Variants in ENPP4 observed in about 807,000 individuals in gnomAD.
ENPP4 encodes the protein bis(5'-adenosyl)-triphosphatase ENPP4.
A neutral mutation model predicts 33.4 loss-of-function variants in ENPP4; 18 were observed. The ratio of observed to expected loss-of-function variants is 0.54; its 90% CI spans 0.37 to 0.80. The LOEUF is 0.80. Among genes scored for constraint, ENPP4 ranks in the 30% least tolerant of loss-of-function variants. The pLI is 0.00. For synonymous variants in ENPP4, 172 were observed against 189.9 expected, an observed-to-expected ratio of 0.91 and a Z score of 0.78; for missense variants, 480 against 541.7, an observed-to-expected ratio of 0.89 and a Z score of 1.13.
chr6:46,145,063 C>T lies in ENPP4; in HGVS notation c.*1423C>T, dbSNP rs899366376. The stretch of plus-strand genomic sequence containing the variant: ...TGGGCTCAAGAACCATTCATCAGTA[C>T]GTGAGACAAGCAGTTAATAGTATGA... On this transcript the variant is annotated 3_prime_UTR_variant, in exon 4 of 4. Transcript: ENST00000321037. The T allele has an allele frequency of 2.3e-5, 9 of 393,934 alleles. No homozygotes were observed. Among genetic ancestry groups the T allele is most frequent in the Admixed American group, 8.9e-5 (2 of 22,546 alleles). The allele number at this position is 393,934 out of a possible 1,614,324, so 24.4% of individuals were successfully genotyped here. A position where few individuals can be genotyped will look rare whatever the true frequency, so the allele number is the denominator to read the frequency against.
At chr6:46,140,927 G>GT (rs1392163489) in intron 2 of ENPP4, 125 bp from the exon 3 acceptor site, 3 of 618,594 alleles carry the variant, frequency 4.8e-6, no homozygotes, top group Non-Finnish European at 8.2e-6. Flanking sequence ...TTATTGCTCT[G>GT]TTTTTTTAAG....
chr6:46,131,689 G>A (rs1376081297), intron 1 of ENPP4, among the ~76,000 whole-genome samples: 1 of 151,326 alleles, frequency 6.6e-6, no homozygotes, highest in African/African-American at 2.4e-5. Context: ...GGGATGGCTG[G>A]GTCAAATGGT....
chr6:46,140,154 A>G lies in ENPP4; in HGVS notation c.571A>G (p.Ser191Gly), dbSNP rs746610421. The G allele has an allele frequency of 1.2e-6, 2 of 1,612,386 alleles. No individual in the cohort carries two copies. The highest frequency in any genetic ancestry group is 1.7e-6 in the Non-Finnish European group (2 of 1,178,808). ...ACTATATTGGGAAGAACCAGATGCAAGTGGCCACAAATACGGACCTGAAGA... is the reference window on the plus strand; with the variant it reads ...ACTATATTGGGAAGAACCAGATGCAGGTGGCCACAAATACGGACCTGAAGA... ...ATLYWEEPDA[S>G]GHKYGPEDKE... is the part of the protein sequence containing the mutation. The change falls in exon 2 of 4, where the codon AGT becomes GGT. Residue 191 changes from serine to glycine, a missense_variant. Ser to Gly is a moderately conservative substitution (Grantham distance 56). This residue lies in a region of ENPP4 where 227 missense variants were observed against 273.7 expected (regional missense o/e 0.83). Coordinates refer to ENST00000321037, the MANE Select transcript of ENPP4 (RefSeq NM_014936.5).
At chr6:46,136,834 G>A (rs966033111) in intron 1 of ENPP4, among the ~76,000 whole-genome samples, 3 of 151,930 alleles carry the variant, frequency 2.0e-5, no homozygotes, top group East Asian at 1.9e-4. Context: ...TATAGCAGTA[G>A]TAGAGATGGA....
Position 46,145,109 on chromosome 6 carries a change from T to C in ENPP4, c.*1469T>C. On this transcript the variant is annotated 3_prime_UTR_variant, in exon 4 of 4. Transcript: ENST00000321037. Reference sequence around the variant, plus strand: ...TATGATCTTTAAAGTTTTGACAATATAAAATAAACTTGGTAACTGTTTTAC... The same window carrying C: ...TATGATCTTTAAAGTTTTGACAATACAAAATAAACTTGGTAACTGTTTTAC... 2.6e-6 allele frequency: 1 copy of C among 389,210 alleles called. No individual in the cohort carries two copies. The highest frequency in any genetic ancestry group is 4.6e-6 in the Non-Finnish European group (1 of 219,776). The allele number at this position is 389,210 out of a possible 1,614,324, so 24.1% of individuals were successfully genotyped here. A position where few individuals can be genotyped will look rare whatever the true frequency, so the allele number is the denominator to read the frequency against.
At chr6:46,134,182 A>C (rs1214300047) in intron 1 of ENPP4, among the ~76,000 whole-genome samples, 1 of 152,088 alleles carries the variant, frequency 6.6e-6, no homozygotes, top group Non-Finnish European at 1.5e-5. Context: ...TGATAAAGGG[A>C]AACTAATTTT....
In ENPP4 at chr6:46,143,484, T is replaced by C; in HGVS notation, c.1206T>C (p.Ile402=). ...GCTTGTTAGTTGACCAGTGGTGCAT[T>C]AATCTCCCAGAAGCCATCGCGATTG... ...TKCLLVDQWC[I]NLPEAIAIVI... is the part of the protein sequence containing the mutation. Residue 402 remains isoleucine, a synonymous_variant, in exon 4 of 4, where the codon ATT becomes ATC. Coordinates refer to ENST00000321037, the MANE Select transcript of ENPP4 (RefSeq NM_014936.5). 1 of 1,612,856 alleles carries C rather than the reference T, an allele frequency of 6.2e-7. No homozygotes were observed. Among genetic ancestry groups the C allele is most frequent in the Non-Finnish European group, 8.5e-7 (1 of 1,179,094 alleles).
chr6:46,138,748 A>G (rs150185440), intron 1 of ENPP4, among the ~76,000 whole-genome samples: 2 of 152,070 alleles, frequency 1.3e-5, no homozygotes, highest in Non-Finnish European at 2.9e-5. Context: ...AGGGAGATTT[A>G]TTAGGGAAAA....
chr6:46,143,663 G>A lies in ENPP4; in HGVS notation c.*23G>A, dbSNP rs1764103208. ...TGACATGTGCTAGGGCTTATACAAAGTGTCTTTGATTAATCACAAAACTAA... is the reference window on the plus strand; with the variant it reads ...TGACATGTGCTAGGGCTTATACAAAATGTCTTTGATTAATCACAAAACTAA... On this transcript the variant is annotated 3_prime_UTR_variant, in exon 4 of 4. Transcript: ENST00000321037. 6.4e-7 allele frequency: 1 copy of A among 1,573,108 alleles called. No individual in the cohort carries two copies. Among genetic ancestry groups the A allele is most frequent in the Non-Finnish European group, 8.6e-7 (1 of 1,157,858 alleles).
At chr6:46,130,356 C>CA (rs1329893432) in intron 1 of ENPP4, among the ~76,000 whole-genome samples, 167 bp downstream of exon 1, 1 of 152,176 alleles carries the variant, frequency 6.6e-6, no homozygotes, top group African/African-American at 2.4e-5. Context: ...CGAAGGGACT[C>CA]AAAGAGCCAG....
Position 46,130,474 on chromosome 6 carries a change from C to G in ENPP4, c.-34+285C>G, listed in dbSNP as rs375301195. 5.3e-5 allele frequency among the ~76,000 whole-genome samples: 8 copies of G among 152,110 alleles called. No homozygotes were observed. In the East Asian group the frequency reaches 7.7e-4, roughly 15 times the overall value. On this transcript the variant is annotated intron_variant, in intron 1 of 3. Transcript: ENST00000321037. Reference sequence around the variant, plus strand: ...TAAGTGTGAAGGGAGGGAAGTCAGCCGAACGGTAGTGGAGGAACCTAAGGT... The same window carrying G: ...TAAGTGTGAAGGGAGGGAAGTCAGCGGAACGGTAGTGGAGGAACCTAAGGT...
intron 1 of ENPP4, among the ~76,000 whole-genome samples, chr6:46,137,500 CTCTCTGAGGG>C (rs1763994182): frequency 6.6e-6 from 1 of 151,818 alleles, no homozygotes; most frequent in Non-Finnish European, 1.5e-5. Flanking sequence ...CCAGTTAAAA[CTCTCTGAGGG>C]AGGAGTTAAG....
chr6:46,145,686 G>C lies in ENPP4; in HGVS notation c.*2046G>C, dbSNP rs1412631721. The stretch of plus-strand genomic sequence containing the variant: ...TATACTTGGCATCCAACTCATGAGT[G>C]GATTTTATATAGGATGGAACAGGAA... On this transcript the variant is annotated 3_prime_UTR_variant, in exon 4 of 4. Transcript: ENST00000321037. 6.6e-6 allele frequency: 1 copy of C among 151,676 alleles called. No homozygotes were observed. The highest frequency in any genetic ancestry group is 1.9e-4 in the East Asian group (1 of 5,178). The allele number at this position is 151,676 out of a possible 1,614,324, so 9.4% of individuals were successfully genotyped here.
In ENPP4 at chr6:46,144,149, G is replaced by A. The variant is rs183593930; in HGVS notation, c.*509G>A. ...TAGTTTGTATCTCAAGTACCCTCTTGAGGTAGGAAATGCTCTGTGATGGTA... is the reference window on the plus strand; with the variant it reads ...TAGTTTGTATCTCAAGTACCCTCTTAAGGTAGGAAATGCTCTGTGATGGTA... On this transcript the variant is annotated 3_prime_UTR_variant, in exon 4 of 4. Coordinates refer to ENST00000321037, the MANE Select transcript of ENPP4 (RefSeq NM_014936.5). 1.4e-3 allele frequency: 214 copies of A among 151,926 alleles called. No homozygotes were observed. The highest frequency in any genetic ancestry group is 2.5e-3 in the Non-Finnish European group (169 of 68,024). The allele number at this position is 151,926 out of a possible 1,614,324, so 9.4% of individuals were successfully genotyped here.
At chr6:46,138,164 T>A (rs872859) in intron 1 of ENPP4, among the ~76,000 whole-genome samples, 67,893 of 151,618 alleles carry the variant, frequency 0.45, 16,477 homozygotes, top group Middle Eastern at 0.68. Flanking sequence ...TCTTAACTAA[T>A]CTTCATTAGT....
chr6:46,144,989 G>A lies in ENPP4; in HGVS notation c.*1349G>A, dbSNP rs1247819329. On this transcript the variant is annotated 3_prime_UTR_variant, in exon 4 of 4. Transcript: ENST00000321037. ...ACCTTCTAGTAATCAAAATTAATAT[G>A]AAGAAACTAGGTTGTGACAGACTAG... 16 of 396,138 alleles carry A rather than the reference G, an allele frequency of 4.0e-5. No individual in the cohort carries two copies. In the East Asian group the frequency reaches 5.7e-4, roughly 14 times the overall value. The allele number at this position is 396,138 out of a possible 1,614,324, so 24.5% of individuals were successfully genotyped here.
chr6:46,133,088 G>C (rs541811523), intron 1 of ENPP4, among the ~76,000 whole-genome samples: 1 of 151,882 alleles, frequency 6.6e-6, no homozygotes, highest in Admixed American at 6.6e-5. Context: ...CAATCATGTC[G>C]TCTGCAAACA....
At chr6:46,138,879 G>T (rs1459578329) in intron 1 of ENPP4, among the ~76,000 whole-genome samples, 2 of 151,838 alleles carry the variant, frequency 1.3e-5, no homozygotes, top group South Asian at 4.1e-4. Context: ...GAGGGATGTG[G>T]TAATAAAACT....
At chr6:46,130,515 T>G (rs947782560) in intron 1 of ENPP4, among the ~76,000 whole-genome samples, 10 of 152,006 alleles carry the variant, frequency 6.6e-5, no homozygotes, top group Non-Finnish European at 1.3e-4. Flanking sequence ...TGGGGTAAAA[T>G]TGAGGGGAGC....
Sources: allele counts gnomAD v4.1 joint callset (sites outside exome capture counted in the v4.1 genomes callset), GRCh38; gene constraint gnomAD v4.1.1; regional missense constraint gnomAD v4.1.1; transcripts MANE v1.5; gene names NCBI Gene and HGNC (gene_info 2026-07-23, HGNC 2026-07-21).